Variants in MYT1L observed in about 807,000 individuals in gnomAD.
MYT1L encodes the protein myelin transcription factor 1 like.
MYT1L carries 12 observed loss-of-function variants against 126.7 expected under a neutral mutation model. That is an observed-to-expected ratio of 0.09 (90% confidence interval 0.06 to 0.15). The LOEUF is 0.15. Among genes scored for constraint, MYT1L ranks in the 10% least tolerant of loss-of-function variants. MYT1L has a pLI of 1.00. For missense variants in MYT1L, 979 were observed against 1,585.2 expected (o/e 0.62, Z 6.49); for synonymous variants, 541 against 604.2 (o/e 0.90, Z 1.53).
At chr2:1,944,915 G>A (rs2057056545) in intron 8 of MYT1L, among the ~76,000 whole-genome samples, 1 of 152,182 alleles carries the variant, frequency 6.6e-6, no homozygotes, top group Non-Finnish European at 1.5e-5. Context: ...CAGAGGGCAG[G>A]CATGCACGGG....
chr2:1,816,074 T>C (rs2037582952), intron 21 of MYT1L: 1 of 152,256 alleles, frequency 6.6e-6, no homozygotes, highest in Non-Finnish European at 1.5e-5. Flanking sequence ...CAAGCGACCC[T>C]CCTGCCTCAG....
chr2:2,166,153 T>G (rs1313748945), intron 3 of MYT1L, among the ~76,000 whole-genome samples: 4 of 152,214 alleles, frequency 2.6e-5, no homozygotes, highest in Admixed American at 1.3e-4. Context: ...CTTATTTCCT[T>G]TCTTAATTAT....
At chr2:2,262,939 G>GAT (rs60682131) in intron 2 of MYT1L, among the ~76,000 whole-genome samples, 748 of 51,914 alleles carry the variant, frequency 0.014, 150 homozygotes, top group Non-Finnish European at 0.019. Context: ...TATAACCTGT[G>GAT]ATATATATAT....
In MYT1L at chr2:2,254,814, G is replaced by C. The variant is rs561207059; in HGVS notation, c.-421+29590C>G. Among the ~76,000 whole-genome samples the C allele has an allele frequency of 3.3e-5, 5 of 152,166 alleles. No individual in the cohort carries two copies. The South Asian group carries it at 1.0e-3, about 32-fold the overall frequency. ...AATCACAGCTTGTCCTTCTGACCAAGAAAATTGTCCTCCAACTGATCTACC... is the reference window on the plus strand; with the variant it reads ...AATCACAGCTTGTCCTTCTGACCAACAAAATTGTCCTCCAACTGATCTACC... On this transcript the variant is annotated intron_variant, in intron 2 of 24. Coordinates refer to ENST00000647738, the MANE Select transcript of MYT1L (RefSeq NM_001303052.2).
intron 2 of MYT1L, among the ~76,000 whole-genome samples, chr2:2,189,452 A>G (rs943274531): frequency 1.3e-5 from 2 of 152,274 alleles, no homozygotes; most frequent in Admixed American, 6.5e-5. Context: ...CAGCTGCTCT[A>G]TTAAGACACG....
chr2:2,272,348 C>A (rs1400224014), intron 2 of MYT1L, among the ~76,000 whole-genome samples: 9 of 152,324 alleles, frequency 5.9e-5, no homozygotes, highest in Admixed American at 3.9e-4. Flanking sequence ...CAGGCTCTCC[C>A]TGGCCTCACC....
chr2:2,295,911 T>C (rs564709185), intron 1 of MYT1L, among the ~76,000 whole-genome samples: 132 of 115,030 alleles, frequency 1.1e-3, no homozygotes, highest in African/African-American at 4.3e-3. Flanking sequence ...GAGAGAATAA[T>C]AAAGCTAGAG....
Position 2,132,334 on chromosome 2 carries a change from T to C in MYT1L, c.-304+40538A>G, listed in dbSNP as rs571822100. 5.9e-5 allele frequency among the ~76,000 whole-genome samples: 9 copies of C among 152,292 alleles called. 1 individual carries two copies. The South Asian group carries it at 1.9e-3, about 32-fold the overall frequency. On this transcript the variant is annotated intron_variant, in intron 3 of 24. Coordinates refer to ENST00000647738, the MANE Select transcript of MYT1L (RefSeq NM_001303052.2). ...CAAAGACTTGGAACCAACCTGGATG[T>C]TCATCAGTGATAGACTGGATAAAGA... is the stretch of plus-strand genomic sequence containing the variant.
In MYT1L at chr2:2,137,775, C is replaced by A. The variant is rs145873899; in HGVS notation, c.-304+35097G>T. On this transcript the variant is annotated intron_variant, in intron 3 of 24. Coordinates refer to ENST00000647738, the MANE Select transcript of MYT1L (RefSeq NM_001303052.2). ...TAGGCACTACCATTCAGAACATAGG[C>A]ACCGCAAGGACTTCATGTCTGAAAC... Among the ~76,000 whole-genome samples, 922 of 152,096 alleles carry A rather than the reference C, an allele frequency of 6.1e-3. 12 individuals carry two copies. Among genetic ancestry groups the A allele is most frequent in the African/African-American group, 0.021 (887 of 41,406 alleles).
chr2:1,889,184 G>T lies in MYT1L; in HGVS notation c.2520+57C>A. 2.1e-6 allele frequency: 3 copies of T among 1,426,674 alleles called. No individual in the cohort carries two copies. The African/African-American group carries it at 4.2e-5, about 20-fold the overall frequency. The allele number at this position is 1,426,674 out of a possible 1,614,324, so 88.4% of individuals were successfully genotyped here. A position where few individuals can be genotyped will look rare whatever the true frequency, so the allele number is the denominator to read the frequency against. On this transcript the variant is annotated intron_variant, in intron 16 of 24. Coordinates refer to ENST00000647738, the MANE Select transcript of MYT1L (RefSeq NM_001303052.2). The surrounding 1 kb of genome is among the most constrained non-coding windows in gnomAD (Gnocchi z 4.1). ...GTATGTGCAAATGGCTTTTCTTTCA[G>T]CTGGGGCCCCATTTTTAAGTCTGGC...
chr2:2,262,939 G>GAGATATATATATATATATATATAT lies in MYT1L; in HGVS notation c.-421+21464_-421+21465insATATATATATATATATATATATCT, dbSNP rs1466512652. Among the ~76,000 whole-genome samples, 22 of 51,968 alleles carry GAGATATATATATATATATATATAT rather than the reference G, an allele frequency of 4.2e-4. 3 individuals carry two copies. The South Asian group carries it at 0.015, about 36-fold the overall frequency. The allele number at this position is 51,968 out of a possible 152,430, so 34.1% of individuals were successfully genotyped here. ...AAATATATATATATATATAACCTGT[G>GAGATATATATATATATATATATAT]ATATATATATATATATCACAGGTAA... is the stretch of plus-strand genomic sequence containing the variant. On this transcript the variant is annotated intron_variant, in intron 2 of 24. Transcript: ENST00000647738.
At position 1,809,423 on chromosome 2, in the gene MYT1L, G is replaced by T. The variant is rs1311628876; in HGVS notation, c.3081-256C>A. 1.5e-4 allele frequency among the ~76,000 whole-genome samples: 6 copies of T among 40,304 alleles called. No individual in the cohort carries two copies. In the East Asian group the frequency reaches 2.5e-3, roughly 17 times the overall value. The allele number at this position is 40,304 out of a possible 152,430, so 26.4% of individuals were successfully genotyped here. On this transcript the variant is annotated intron_variant, in intron 21 of 24. Transcript: ENST00000647738. Reference sequence around the variant, plus strand: ...GGCTGGGGCTGCCTCTTGGCGGGGGGTCTTGGGAGCTGGGGCTCTGAGAGC... The same window carrying T: ...GGCTGGGGCTGCCTCTTGGCGGGGGTTCTTGGGAGCTGGGGCTCTGAGAGC...
intron 13 of MYT1L, among the ~76,000 whole-genome samples, chr2:1,903,867 T>C (rs1183706453): frequency 2.0e-5 from 3 of 152,186 alleles, no homozygotes; most frequent in African/African-American, 7.2e-5. Context: ...TTAATGTCTT[T>C]GGAATAAAAT....
At chr2:2,261,076 C>G (rs562922486) in intron 2 of MYT1L, among the ~76,000 whole-genome samples, 1 of 152,122 alleles carries the variant, frequency 6.6e-6, no homozygotes, top group African/African-American at 2.4e-5. Flanking sequence ...TGCCTCAGTC[C>G]ATTGCCCCAT....
At chr2:1,907,710 G>A (rs2051278177) in intron 13 of MYT1L, among the ~76,000 whole-genome samples, 1 of 152,232 alleles carries the variant, frequency 6.6e-6, no homozygotes, top group Non-Finnish European at 1.5e-5. Context: ...AAGACTTTTT[G>A]AATCGTAACT....
chr2:2,202,981 C>T (rs954401933), intron 2 of MYT1L, among the ~76,000 whole-genome samples: 10 of 151,250 alleles, frequency 6.6e-5, no homozygotes, highest in African/African-American at 2.4e-4. Flanking sequence ...CACAAATCAA[C>T]AAATGTAATC....
chr2:2,262,497 C>T (rs1159272473), intron 2 of MYT1L, among the ~76,000 whole-genome samples: 1 of 151,928 alleles, frequency 6.6e-6, no homozygotes, highest in Non-Finnish European at 1.5e-5. Flanking sequence ...TCGAGACCAT[C>T]CAGGCTAACA....
intron 3 of MYT1L, among the ~76,000 whole-genome samples, chr2:2,083,381 C>T (rs1191953168): frequency 6.6e-6 from 1 of 152,162 alleles, no homozygotes; most frequent in Non-Finnish European, 1.5e-5. Flanking sequence ...AGGAATGGCC[C>T]CAATGAGCAG....
chr2:1,959,160 C>A lies in MYT1L; in HGVS notation c.153-15826G>T, dbSNP rs569370631. The stretch of plus-strand genomic sequence containing the variant: ...AGCTGTGAAAAAAAACAAAATGAAA[C>A]CTGCCACGAGAAGGCTGGACACAAT... On this transcript the variant is annotated intron_variant, in intron 8 of 24. Coordinates refer to ENST00000647738, the MANE Select transcript of MYT1L (RefSeq NM_001303052.2). Among the ~76,000 whole-genome samples, 197 of 152,226 alleles carry A rather than the reference C, an allele frequency of 1.3e-3. 1 individual carries two copies. In the South Asian group the frequency reaches 0.025, roughly 19 times the overall value.
Sources: allele counts gnomAD v4.1 joint callset (sites outside exome capture counted in the v4.1 genomes callset), GRCh38; gene constraint gnomAD v4.1.1; non-coding constraint Gnocchi (gnomAD v3.1); transcripts MANE v1.5; gene names NCBI Gene and HGNC (gene_info 2026-07-23, HGNC 2026-07-21).